BICD1: variants seen among roughly 807,000 people sequenced by gnomAD.
BICD1 encodes the protein BICD cargo adaptor 1.
BICD1 carries 35 observed loss-of-function variants against 92.5 expected under a neutral mutation model. The observed-to-expected ratio is 0.38, with a 90% CI of 0.29 to 0.50. The LOEUF is 0.50. BICD1 is among the 20% of genes least tolerant of loss of function. The pLI, the probability that BICD1 is intolerant of heterozygous loss-of-function variation, is 0.93. For synonymous variants in BICD1, 429 were observed against 465.1 expected (o/e 0.92, Z 1.00); for missense variants, 950 against 1,189.8 (o/e 0.80, Z 2.97).
intron 1 of BICD1, among the ~76,000 whole-genome samples, chr12:32,137,083 GTTGTTT>G (rs1209233056): frequency 6.6e-6 from 1 of 151,926 alleles, no homozygotes; most frequent in Non-Finnish European, 1.5e-5. Context: ...TTTTGTTGTT[GTTGTTT>G]TTGTTTTTGT....
At chr12:32,231,490 A>C (rs2650143) in intron 2 of BICD1, among the ~76,000 whole-genome samples, 191 of 151,610 alleles carry the variant, frequency 1.3e-3, no homozygotes, top group African/African-American at 4.5e-3. Flanking sequence ...AAATATTCCC[A>C]GAATCCAAAT....
At chr12:32,194,236 A>G (rs1944659393) in intron 1 of BICD1, among the ~76,000 whole-genome samples, 1 of 152,198 alleles carries the variant, frequency 6.6e-6, no homozygotes, top group Non-Finnish European at 1.5e-5. Context: ...CAAGCTCACA[A>G]CTAACATCCT....
chr12:32,302,287 G>A (rs528968623), intron 3 of BICD1, among the ~76,000 whole-genome samples: 10 of 152,264 alleles, frequency 6.6e-5, no homozygotes, highest in East Asian at 1.9e-4. Flanking sequence ...GTTTTATAAC[G>A]TGTTACAAGC....
chr12:32,203,816 A>G (rs190518664), intron 1 of BICD1, among the ~76,000 whole-genome samples: 4 of 152,098 alleles, frequency 2.6e-5, no homozygotes, highest in Admixed American at 1.3e-4. Flanking sequence ...AACCTGTGCT[A>G]TCCCTATCCA....
intron 2 of BICD1, 21 bp from the exon 3 acceptor site, chr12:32,293,973 C>A: frequency 6.2e-7 from 1 of 1,605,180 alleles, no homozygotes; most frequent in Non-Finnish European, 8.5e-7. Flanking sequence ...TATATATTGA[C>A]TGTTTACTCT....
intron 6 of BICD1, among the ~76,000 whole-genome samples, chr12:32,336,374 A>G (rs1429776878): frequency 6.6e-6 from 1 of 152,246 alleles, no homozygotes; most frequent in Non-Finnish European, 1.5e-5. Flanking sequence ...TGAAACCTGA[A>G]TAAAGATGTT....
intron 1 of BICD1, among the ~76,000 whole-genome samples, chr12:32,198,168 G>A (rs963147973): frequency 1.3e-5 from 2 of 151,556 alleles, no homozygotes; most frequent in African/African-American, 4.8e-5. Flanking sequence ...TCGTGCCATT[G>A]TACTCCAGCC....
At position 32,334,593 on chromosome 12, in the gene BICD1, G is replaced by C. The variant is rs1297601528; in HGVS notation, c.2178G>C (p.Lys726Asn). ...CAATGGTGACTGAAACCATGACGAA[G>C]CTTAGAAATGAACTGAAGGCTTTGA... is the stretch of plus-strand genomic sequence containing the variant. Reference protein sequence around the residue: ...EKAMVTETMTKLRNELKALKE... With the variant: ...EKAMVTETMTNLRNELKALKE... Residue 726 changes from lysine (K) to asparagine (N), a missense_variant, in exon 6 of 10, where the codon AAG (lysine) becomes AAC (asparagine). Lys to Asn is a moderately conservative substitution (Grantham distance 94). Transcript: ENST00000652176. 1.2e-6 allele frequency: 2 copies of C among 1,612,520 alleles called. No homozygotes were observed. The highest frequency in any genetic ancestry group is 1.7e-6 in the Non-Finnish European group (2 of 1,179,314).
Position 32,216,277 on chromosome 12 carries a change from A to G in BICD1, c.244A>G (p.Lys82Glu). 6.2e-7 allele frequency: 1 copy of G among 1,613,924 alleles called. No individual in the cohort carries two copies. The highest frequency in any genetic ancestry group is 8.5e-7 in the Non-Finnish European group (1 of 1,179,984). ...TGGGCAGTCCTTCTCCATCCACCGG[A>G]AGGTTGCTGAAGATGGAGAGACTCG... ...AFGQSFSIHR[K>E]VAEDGETREE... Residue 82 changes from lysine (K) to glutamate (E), a missense_variant, in exon 2 of 10, where the codon AAG becomes GAG. By Grantham distance (56) the Lys-to-Glu change is moderately conservative. Coordinates refer to ENST00000652176, the MANE Select transcript of BICD1 (RefSeq NM_001714.4).
intron 1 of BICD1, among the ~76,000 whole-genome samples, chr12:32,180,000 A>AG (rs1293342964): frequency 2.0e-5 from 3 of 151,404 alleles, no homozygotes; most frequent in African/African-American, 7.3e-5. Flanking sequence ...AAAAAAAAAA[A>AG]AAAAAAAATT....
chr12:32,158,566 C>G (rs1232778530), intron 1 of BICD1, among the ~76,000 whole-genome samples: 1 of 152,206 alleles, frequency 6.6e-6, no homozygotes, highest in African/African-American at 2.4e-5. Flanking sequence ...ATTAGCTATT[C>G]TTTTTCTTGG....
At chr12:32,280,341 G>C (rs1371098711) in intron 2 of BICD1, among the ~76,000 whole-genome samples, 2 of 152,158 alleles carry the variant, frequency 1.3e-5, no homozygotes, top group Non-Finnish European at 2.9e-5. Flanking sequence ...GTGACCAGAA[G>C]TAGTAAACTT....
At chr12:32,299,160 C>A (rs1176171208) in intron 3 of BICD1, among the ~76,000 whole-genome samples, 2 of 152,110 alleles carry the variant, frequency 1.3e-5, no homozygotes, top group Non-Finnish European at 2.9e-5. Flanking sequence ...TGATATCTAA[C>A]CTTGACCGTC....
chr12:32,211,714 A>G (rs972103624), intron 1 of BICD1, among the ~76,000 whole-genome samples: 1 of 152,064 alleles, frequency 6.6e-6, no homozygotes. Context: ...GAAAAAAAAA[A>G]AAAAGCCAGC....
At position 32,107,063 on chromosome 12, in the gene BICD1, G is replaced by A. The variant is rs564755661; in HGVS notation, c.-269G>A. 4.8e-4 allele frequency: 214 copies of A among 447,454 alleles called. 3 individuals are homozygous for A. The highest frequency in any genetic ancestry group is 3.8e-3 in the Middle Eastern group (6 of 1,596). The allele number at this position is 447,454 out of a possible 1,614,324, so 27.7% of individuals were successfully genotyped here. On this transcript the variant is annotated 5_prime_UTR_variant, in exon 1 of 10. Coordinates refer to ENST00000652176, the MANE Select transcript of BICD1 (RefSeq NM_001714.4). ...CGCACGGCTGCTGACCGCACGCAGG[G>A]GCCGGCCCCGAGGACACATGCGGCG... is the stretch of plus-strand genomic sequence containing the variant.
chr12:32,155,553 A>G (rs1403858889), intron 1 of BICD1, among the ~76,000 whole-genome samples: 1 of 152,248 alleles, frequency 6.6e-6, no homozygotes, highest in Non-Finnish European at 1.5e-5. Flanking sequence ...ATTGTAAAAC[A>G]AAATGCTACA....
At chr12:32,243,992 T>C (rs1441017859) in intron 2 of BICD1, among the ~76,000 whole-genome samples, 1 of 151,946 alleles carries the variant, frequency 6.6e-6, no homozygotes, top group African/African-American at 2.4e-5. Context: ...TTCTTATCCG[T>C]ATTAATTATT....
At chr12:32,336,366 A>G (rs1938123726) in intron 6 of BICD1, among the ~76,000 whole-genome samples, 1 of 152,274 alleles carries the variant, frequency 6.6e-6, no homozygotes. Flanking sequence ...CACAAGTATG[A>G]AACCTGAATA....
Position 32,107,436 on chromosome 12 carries a change from C to T in BICD1, c.105C>T (p.Ala35=). ...TETTHEKIQA[A]EYGLVVLEEK... ...CCACCCACGAGAAGATCCAGGCTGC[C>T]GAGTACGGGCTGGTGGTGCTGGAGG... The change falls in exon 1 of 10, where the codon GCC becomes GCT. Residue 35 remains alanine (A), a synonymous_variant. Coordinates refer to ENST00000652176, the MANE Select transcript of BICD1 (RefSeq NM_001714.4). The T allele has an allele frequency of 1.2e-6, 2 of 1,611,946 alleles. No homozygotes were observed. The highest frequency in any genetic ancestry group is 1.3e-5 in the African/African-American group (1 of 74,978).
Sources: gnomAD v4.1 joint callset for allele counts (sites outside exome capture counted in the v4.1 genomes callset) on GRCh38, gnomAD v4.1.1 for gene constraint, MANE v1.5 for transcripts, NCBI Gene and HGNC (gene_info 2026-07-23, HGNC 2026-07-21) for gene names.